INSC: variants seen among roughly 807,000 people sequenced by gnomAD.
The protein encoded by INSC is INSC spindle orientation adaptor protein.
A neutral mutation model predicts 58.6 loss-of-function variants in INSC; 67 were observed. The observed-to-expected ratio is 1.14, with a 90% CI of 0.94 to 1.40. The LOEUF is 1.40. Among genes scored for constraint, INSC ranks in the 40% most tolerant of loss-of-function variants. The pLI is 0.00. For missense variants in INSC, 714 were observed against 692.0 expected, an observed-to-expected ratio of 1.03 and a Z score of -0.36; for synonymous variants, 262 against 276.1, an observed-to-expected ratio of 0.95 and a Z score of 0.51.
intron 1 of INSC, among the ~76,000 whole-genome samples, chr11:15,117,716 T>C (rs903784735): frequency 6.6e-6 from 1 of 152,242 alleles, no homozygotes; most frequent in African/African-American, 2.4e-5. Flanking sequence ...GGAATCACAC[T>C]GGATTTTCCT....
chr11:15,184,952 G>A (rs1212522292), intron 5 of INSC, among the ~76,000 whole-genome samples: 1 of 152,094 alleles, frequency 6.6e-6, no homozygotes, highest in Non-Finnish European at 1.5e-5. Flanking sequence ...TGAATAATTC[G>A]GGTGACTCAA....
downstream of INSC, among the ~76,000 whole-genome samples, chr11:15,248,514 T>A (rs1016973129): frequency 6.6e-6 from 1 of 152,318 alleles, no homozygotes; most frequent in African/African-American, 2.4e-5. Context: ...ACTGATCTAG[T>A]TTAATACTAA....
chr11:15,136,373 A>G (rs1848245357), intron 1 of INSC, among the ~76,000 whole-genome samples: 1 of 151,998 alleles, frequency 6.6e-6, no homozygotes. Context: ...GTGGTTGCTA[A>G]GGTTGGGGTT....
Position 15,152,416 on chromosome 11 carries a change from T to G in INSC, c.56+3186T>G, listed in dbSNP as rs1161484956. Among the ~76,000 whole-genome samples the G allele has an allele frequency of 2.6e-5, 4 of 152,206 alleles. No individual in the cohort carries two copies. In the East Asian group the frequency reaches 7.7e-4, roughly 29 times the overall value. On this transcript the variant is annotated intron_variant, in intron 2 of 12. Coordinates refer to ENST00000379556, the MANE Select transcript of INSC (RefSeq NM_001042536.3). ...CATTAGGCTGGGGCTGCTCCAACAC[T>G]TTAGGTTTCTACATAGCAAACTGAA...
chr11:15,178,366 G>A lies in INSC; in HGVS notation c.498G>A (p.Lys166=), dbSNP rs199801018. 1 of 1,613,788 alleles carries A rather than the reference G, an allele frequency of 6.2e-7. No homozygotes were observed. The highest frequency in any genetic ancestry group is 1.3e-5 in the African/African-American group (1 of 74,908). The change falls in exon 5 of 13, where the codon AAG becomes AAA. Residue 166 remains lysine (K), a synonymous_variant. Transcript: ENST00000379556. ...ATGAGCATGTCCTGAAGTCAATGAA[G>A]GCCTGCGTGAGTGAGACCCTGAGCA... ...VENEHVLKSM[K]ACVSETLSML...
At chr11:15,178,501 AG>A in intron 5 of INSC, 54 bp downstream of exon 5, 1 of 1,576,376 alleles carries the variant, frequency 6.3e-7, no homozygotes, top group Non-Finnish European at 8.6e-7. Flanking sequence ...CTTGGAGGAA[AG>A]GAGAGAAAGA....
intron 7 of INSC, among the ~76,000 whole-genome samples, chr11:15,209,766 A>T (rs191333808): frequency 1.6e-4 from 24 of 151,894 alleles, no homozygotes; most frequent in Admixed American, 3.9e-4. Flanking sequence ...AGGTGAAATG[A>T]TGTGCACACC....
intron 8 of INSC, among the ~76,000 whole-genome samples, chr11:15,223,572 C>T (rs1714336): frequency 0.39 from 59,871 of 152,052 alleles, 12,096 homozygotes; most frequent in African/African-American, 0.45. Context: ...TTAAAAGGCA[C>T]TTAGGTGGTT....
At chr11:15,159,591 A>T (rs1289108319) in intron 2 of INSC, among the ~76,000 whole-genome samples, 2 of 152,248 alleles carry the variant, frequency 1.3e-5, no homozygotes, top group Non-Finnish European at 2.9e-5. Flanking sequence ...ACTGCACATG[A>T]CATTGGAACA....
At chr11:15,234,863 G>A (rs1489749977) in intron 9 of INSC, among the ~76,000 whole-genome samples, 1 of 152,100 alleles carries the variant, frequency 6.6e-6, no homozygotes, top group Non-Finnish European at 1.5e-5. Context: ...AATCCAGTTT[G>A]TGCTGTGAGT....
rs896490787 is a variant in INSC at position 15,146,968 on chromosome 11, A to C, written c.-45-2162A>C. ...AGTTTCCTCTTGGTTCAAACTTCAA[A>C]TGGCCCTGGAATTTTCTTAGTATTT... On this transcript the variant is annotated intron_variant, in intron 1 of 12. Transcript: ENST00000379556. Among the ~76,000 whole-genome samples the C allele has an allele frequency of 2.0e-5, 3 of 152,076 alleles. No homozygotes were observed. The South Asian group carries it at 6.2e-4, about 32-fold the overall frequency.
At chr11:15,220,482 G>C (rs956060381) in intron 7 of INSC, among the ~76,000 whole-genome samples, 11 of 152,158 alleles carry the variant, frequency 7.2e-5, no homozygotes, top group African/African-American at 2.7e-4. Context: ...TCTGAGCTCA[G>C]GTGCCACTTC....
At chr11:15,247,756 T>TATATATATATATATA (rs1473234183), downstream of INSC, among the ~76,000 whole-genome samples, 32 of 148,344 alleles carry the variant, frequency 2.2e-4, no homozygotes, top group Non-Finnish European at 3.6e-4. Flanking sequence ...TATATATATA[T>TATATATATATATATA]TTCACTGAGT....
At chr11:15,240,739 A>C (rs149059938) in intron 12 of INSC, among the ~76,000 whole-genome samples, 2 of 152,342 alleles carry the variant, frequency 1.3e-5, no homozygotes, top group Admixed American at 6.5e-5. Context: ...GTGAAAGATG[A>C]GGGCTGAGAA....
At chr11:15,137,087 C>A (rs1241220317) in intron 1 of INSC, among the ~76,000 whole-genome samples, 1 of 152,166 alleles carries the variant, frequency 6.6e-6, no homozygotes, top group Admixed American at 6.5e-5. Context: ...TCCATCAGAG[C>A]TTTTGACAAC....
At chr11:15,241,791 G>A (rs1182515736) in intron 12 of INSC, 4 of 568,876 alleles carry the variant, frequency 7.0e-6, no homozygotes, top group African/African-American at 1.9e-5. Context: ...ATTTAAGTAT[G>A]TGATATATTA....
intron 1 of INSC, among the ~76,000 whole-genome samples, chr11:15,123,293 A>C (rs568339917): frequency 6.6e-6 from 1 of 152,350 alleles, no homozygotes; most frequent in Non-Finnish European, 1.5e-5. Context: ...TGTAATCATT[A>C]ATGCTTACTT....
intron 7 of INSC, among the ~76,000 whole-genome samples, chr11:15,212,366 CA>C (rs1424615506): frequency 6.6e-6 from 1 of 152,220 alleles, no homozygotes; most frequent in African/African-American, 2.4e-5. Flanking sequence ...TCCCTGACCT[CA>C]GGTGATCCGC....
chr11:15,232,650 G>A (rs190902278), intron 9 of INSC, among the ~76,000 whole-genome samples: 229 of 152,150 alleles, frequency 1.5e-3, no homozygotes, highest in African/African-American at 5.0e-3. Context: ...ATAGCGACAC[G>A]GGTTTTCTAG....
Sources: allele counts gnomAD v4.1 joint callset (sites outside exome capture counted in the v4.1 genomes callset), GRCh38; gene constraint gnomAD v4.1.1; transcripts MANE v1.5; gene names NCBI Gene and HGNC (gene_info 2026-07-23, HGNC 2026-07-21).